Variants in CIT observed in about 807,000 individuals in gnomAD.
The protein encoded by CIT is citron rho-interacting serine/threonine kinase.
A neutral mutation model predicts 272.7 loss-of-function variants in CIT; 79 were observed. The observed-to-expected ratio is 0.29, with a 90% confidence interval of 0.24 to 0.35. CIT has a LOEUF of 0.35. CIT is among the 10% of genes least tolerant of loss of function. The pLI is 1.00. For synonymous variants in CIT, 948 were observed against 995.6 expected, an observed-to-expected ratio of 0.95 and a Z score of 0.90; for missense variants, 1,909 against 2,618.3, an observed-to-expected ratio of 0.73 and a Z score of 5.91.
chr12:119,728,431 C>G lies in CIT; in HGVS notation c.3591+71G>C. The G allele has an allele frequency of 2.1e-6, 2 of 935,396 alleles. No homozygotes were observed. Among genetic ancestry groups the G allele is most frequent in the Non-Finnish European group, 3.4e-6 (2 of 596,042 alleles). 57.9% of individuals were successfully genotyped at this position (935,396 alleles called of 1,614,324 possible). On this transcript the variant is annotated intron_variant, in intron 28 of 47. Transcript: ENST00000392521. This position sits in a 1 kb window ranked among gnomAD's most constrained non-coding sequence, Gnocchi z 4.3. ...ATTTTGCTGTGAACCTAAAGCTGCT[C>G]CAAAAAAAAGAAGCCTATTAAAAGA... is the stretch of plus-strand genomic sequence containing the variant.
At chr12:119,753,553 G>A (rs952169910) in intron 22 of CIT, among the ~76,000 whole-genome samples, 2 of 152,020 alleles carry the variant, frequency 1.3e-5, no homozygotes, top group African/African-American at 4.8e-5. Flanking sequence ...TGGCCAGCAT[G>A]GTGAAACCCC....
intron 19 of CIT, among the ~76,000 whole-genome samples, chr12:119,766,075 G>A (rs564407988): frequency 1.3e-5 from 2 of 152,134 alleles, no homozygotes; most frequent in Admixed American, 6.5e-5. Context: ...CAGCGGGGGT[G>A]GGGTGGGGAG....
Position 119,821,674 on chromosome 12 carries a change from T to C in CIT, c.1111+1146A>G, listed in dbSNP as rs60037042. ...ATAAAAAGGCAAGACAAGAAAAGAT[T>C]AAGTACTTGAACAGCATCTAAAAGA... On this transcript the variant is annotated intron_variant, in intron 9 of 47. Transcript: ENST00000392521. Among the ~76,000 whole-genome samples the C allele has an allele frequency of 6.2e-3, 942 of 152,294 alleles. 10 individuals are homozygous for C. The highest frequency in any genetic ancestry group is 0.022 in the African/African-American group (906 of 41,560).
Position 119,857,615 on chromosome 12 carries a change from A to G in CIT, c.322T>C (p.Phe108Leu). Reference sequence around the variant, plus strand: ...TCTCTTACCACCTGCACTTCAGCAAAGTGACCACAACCTACAAGACTTCTG... The same window carrying G: ...TCTCTTACCACCTGCACTTCAGCAAGGTGACCACAACCTACAAGACTTCTG... Reference protein sequence around the residue: ...EVRSLVGCGHFAEVQVVREKA... With the variant: ...EVRSLVGCGHLAEVQVVREKA... The change falls in exon 4 of 48, where the codon TTT becomes CTT. Residue 108 changes from phenylalanine (F) to leucine (L), a missense_variant. Transcript: ENST00000392521. 1.2e-6 allele frequency: 2 copies of G among 1,614,224 alleles called. No homozygotes were observed. The highest frequency in any genetic ancestry group is 1.1e-5 in the South Asian group (1 of 91,082).
intron 22 of CIT, among the ~76,000 whole-genome samples, chr12:119,753,159 C>G (rs1960474513): frequency 6.6e-6 from 1 of 152,126 alleles, no homozygotes. Flanking sequence ...TGTCAAGCAA[C>G]TCAGAGATGC....
In CIT at chr12:119,804,120, C is replaced by T. The variant is rs1228904124; in HGVS notation, c.1112-731G>A. 1.0e-6 allele frequency: 1 copy of T among 971,022 alleles called. No individual in the cohort carries two copies. Among genetic ancestry groups the T allele is most frequent in the African/African-American group, 1.8e-5 (1 of 56,940 alleles). The allele number at this position is 971,022 out of a possible 1,614,324, so 60.2% of individuals were successfully genotyped here. On this transcript the variant is annotated intron_variant, in intron 9 of 47. Transcript: ENST00000392521. The surrounding 1 kb of genome is among the most constrained non-coding windows in gnomAD (Gnocchi z 5.3). ...ACCGGTGATCTACAGCACCCCTGCG[C>T]GCTGACGGTGGGAATGCACGGATGG... is the stretch of plus-strand genomic sequence containing the variant.
At chr12:119,772,366 C>T (rs1010453992) in intron 17 of CIT, among the ~76,000 whole-genome samples, 4 of 152,070 alleles carry the variant, frequency 2.6e-5, no homozygotes, top group Non-Finnish European at 5.9e-5. Context: ...ATCTGAGAGT[C>T]ATTGACGCGC....
Position 119,861,788 on chromosome 12 carries a change from T to C in CIT, c.239-4090A>G, listed in dbSNP as rs1327394173. 2.0e-5 allele frequency among the ~76,000 whole-genome samples: 3 copies of C among 152,132 alleles called. No homozygotes were observed. The East Asian group carries it at 5.8e-4, about 29-fold the overall frequency. ...TGCACATGTGCTCAAAAAAGATGCA[T>C]ACAAAGATGTGAATGATGAAAACTG... On this transcript the variant is annotated intron_variant, in intron 3 of 47. Transcript: ENST00000392521.
chr12:119,824,603 AGAGTT>A (rs539024623), intron 8 of CIT, among the ~76,000 whole-genome samples: 51 of 152,374 alleles, frequency 3.3e-4, no homozygotes, highest in African/African-American at 1.1e-3. Context: ...CCTTTGGCAC[AGAGTT>A]AAGTGCCATA....
intron 29 of CIT, among the ~76,000 whole-genome samples, chr12:119,720,939 C>T (rs1198920288): frequency 1.3e-5 from 2 of 152,206 alleles, no homozygotes; most frequent in Admixed American, 1.3e-4. Context: ...GATGACTGTA[C>T]AATCATGCTT....
At chr12:119,823,562 GTCA>G (rs1477519462) in intron 8 of CIT, among the ~76,000 whole-genome samples, 7 of 152,216 alleles carry the variant, frequency 4.6e-5, no homozygotes, top group South Asian at 2.1e-4. Flanking sequence ...AGCTCCAAGA[GTCA>G]TCTAAGGGGA....
At position 119,754,332 on chromosome 12, in the gene CIT, C is replaced by T. The variant is rs73414134; in HGVS notation, c.2707-2085G>A. ...ATGTTGCTGTATTCCTGCAACATCC[C>T]TACGTGTCCTGACCATTGCACTTGA... On this transcript the variant is annotated intron_variant, in intron 22 of 47. Transcript: ENST00000392521. Among the ~76,000 whole-genome samples, 1,503 of 152,316 alleles carry T rather than the reference C, an allele frequency of 9.9e-3. 24 individuals are homozygous for T. The highest frequency in any genetic ancestry group is 0.034 in the African/African-American group (1,428 of 41,556).
chr12:119,689,031 A>T (rs951432515), intron 47 of CIT, among the ~76,000 whole-genome samples: 4 of 149,256 alleles, frequency 2.7e-5, no homozygotes, highest in Non-Finnish European at 5.9e-5. Flanking sequence ...GGGGGTGGGA[A>T]TCAGACAGAT....
At chr12:119,725,685 G>A (rs189716030) in intron 28 of CIT, among the ~76,000 whole-genome samples, 2 of 152,336 alleles carry the variant, frequency 1.3e-5, no homozygotes, top group Admixed American at 1.3e-4. Flanking sequence ...ATGTTCTCAT[G>A]TAGGTTAGAA....
chr12:119,751,775 A>G (rs542172397), intron 23 of CIT, among the ~76,000 whole-genome samples: 40 of 152,360 alleles, frequency 2.6e-4, no homozygotes, highest in African/African-American at 8.7e-4. Flanking sequence ...ACTTTAAAAT[A>G]TAATGATGAT....
At chr12:119,817,551 G>A (rs994149358) in intron 9 of CIT, among the ~76,000 whole-genome samples, 1 of 152,026 alleles carries the variant, frequency 6.6e-6, no homozygotes, top group East Asian at 1.9e-4. Context: ...AAACTAGTGA[G>A]GGGAGGCCTA....
intron 41 of CIT, among the ~76,000 whole-genome samples, chr12:119,703,425 T>C (rs1011276417): frequency 1.4e-5 from 2 of 147,052 alleles, no homozygotes; most frequent in Non-Finnish European, 3.0e-5. Flanking sequence ...ATTTCACTTT[T>C]TTTTTTTTTT....
chr12:119,866,816 A>T lies in CIT; in HGVS notation c.238+2244T>A, dbSNP rs181793314. Reference sequence around the variant, plus strand: ...CCAGAGTGAGACTTTGTCTCAAAAAAAAATAAATAAAATGAAATAAAATGC... The same window carrying T: ...CCAGAGTGAGACTTTGTCTCAAAAATAAATAAATAAAATGAAATAAAATGC... On this transcript the variant is annotated intron_variant, in intron 3 of 47. Transcript: ENST00000392521. Among the ~76,000 whole-genome samples the T allele has an allele frequency of 5.5e-3, 836 of 152,364 alleles. 6 individuals carry two copies. The highest frequency in any genetic ancestry group is 9.6e-3 in the Admixed American group (147 of 15,300).
chr12:119,826,084 A>G (rs2138070192), intron 7 of CIT, among the ~76,000 whole-genome samples: 1 of 152,258 alleles, frequency 6.6e-6, no homozygotes, highest in East Asian at 1.9e-4. Context: ...AAAAAAGAGA[A>G]GAGAACTGGT....
Sources: allele counts gnomAD v4.1 joint callset (sites outside exome capture counted in the v4.1 genomes callset), GRCh38; gene constraint gnomAD v4.1.1; non-coding constraint Gnocchi (gnomAD v3.1); transcripts MANE v1.5; gene names NCBI Gene and HGNC (gene_info 2026-07-23, HGNC 2026-07-21).